KCTD2: variants seen among roughly 807,000 people sequenced by gnomAD.
The protein encoded by KCTD2 is potassium channel tetramerization domain containing 2.
Under a neutral mutation model 27.9 loss-of-function variants are expected in KCTD2, and 18 were observed. That is an observed-to-expected ratio of 0.64 (90% CI 0.45 to 0.96). The LOEUF is 0.96. Among genes scored for constraint, KCTD2 ranks in the 40% least tolerant of loss-of-function variants. The pLI is 0.00. For synonymous variants in KCTD2, 175 were observed against 148.4 expected, an observed-to-expected ratio of 1.18 and a Z score of -1.30; for missense variants, 280 against 348.0, an observed-to-expected ratio of 0.80 and a Z score of 1.56.
intron 3 of KCTD2, chr17:75,041,456 A>G (rs918152163): frequency 5.9e-5 from 9 of 151,550 alleles, no homozygotes; most frequent in African/African-American, 2.2e-4. Flanking sequence ...CCAAAAAAAA[A>G]AAAAAAACAA....
At chr17:75,046,066 G>T (rs1452770035), upstream of KCTD2, among the ~76,000 whole-genome samples, 1 of 152,216 alleles carries the variant, frequency 6.6e-6, no homozygotes, top group African/African-American at 2.4e-5. Context: ...AGTGGAAAAT[G>T]GAAGTCACAA....
At chr17:75,034,355 CGGGCAGGTGGT>C (rs923742322) in intron 2 of KCTD2, among the ~76,000 whole-genome samples, 2 of 152,064 alleles carry the variant, frequency 1.3e-5, no homozygotes, top group Non-Finnish European at 2.9e-5. Flanking sequence ...AAGCAGGTAG[CGGGCAGGTGGT>C]GGTGGATTCT....
chr17:75,035,197 T>G (rs2040104640), intron 2 of KCTD2: 1 of 152,050 alleles, frequency 6.6e-6, no homozygotes, highest in African/African-American at 2.4e-5. Context: ...AACGTTTTAA[T>G]CCCTGCAACT....
chr17:75,053,212 G>A lies in KCTD2; in HGVS notation c.540+107G>A, dbSNP rs543449378. The A allele has an allele frequency of 8.2e-6, 7 of 851,124 alleles. No homozygotes were observed. The East Asian group carries it at 1.3e-4, about 16-fold the overall frequency. The allele number at this position is 851,124 out of a possible 1,614,324, so 52.7% of individuals were successfully genotyped here. A position where few individuals can be genotyped will look rare whatever the true frequency, so the allele number is the denominator to read the frequency against. ...ACCCTTAGAGCTGGAGGTGTGTGTG[G>A]AACACCGTTTGCAGTGCAGGGAATG... On this transcript the variant is annotated intron_variant, in intron 3 of 5. Transcript: ENST00000322444.
chr17:75,049,408 T>A (rs1203733531), intron 2 of KCTD2, 80 bp downstream of exon 2: 2 of 955,444 alleles, frequency 2.1e-6, no homozygotes. Flanking sequence ...CAATTTTGTT[T>A]GACATTTTCA....
intron 3 of KCTD2, 114 bp downstream of exon 3, chr17:75,053,219 G>A (rs950837620): frequency 3.0e-5 from 24 of 798,854 alleles, no homozygotes; most frequent in African/African-American, 1.7e-4. Flanking sequence ...GTGGAACACC[G>A]TTTGCAGTGC....
chr17:75,056,092 G>GA (rs1484448203), intron 3 of KCTD2, among the ~76,000 whole-genome samples: 1 of 152,144 alleles, frequency 6.6e-6, no homozygotes, highest in Non-Finnish European at 1.5e-5. Context: ...CACTAATGAT[G>GA]AAAAATTAAC....
chr17:75,034,581 C>A (rs2040097120), intron 2 of KCTD2, among the ~76,000 whole-genome samples: 1 of 152,174 alleles, frequency 6.6e-6, no homozygotes, highest in Non-Finnish European at 1.5e-5. Context: ...CTGTGGGTCA[C>A]CGCGCTCCAA....
intron 3 of KCTD2, chr17:75,040,046 C>G (rs2073143092): frequency 6.2e-7 from 1 of 1,602,032 alleles, no homozygotes; most frequent in Non-Finnish European, 8.5e-7. Flanking sequence ...AGAGAGCTGT[C>G]AAGATCAAGA....
chr17:75,037,906 G>A (rs932600288), intron 3 of KCTD2, among the ~76,000 whole-genome samples: 3 of 151,768 alleles, frequency 2.0e-5, no homozygotes, highest in African/African-American at 4.8e-5. Flanking sequence ...CAAATTAGCC[G>A]GGCGTGATGG....
At chr17:75,040,359 G>T in intron 3 of KCTD2, 1 of 617,950 alleles carries the variant, frequency 1.6e-6, no homozygotes, top group Middle Eastern at 4.4e-4. Flanking sequence ...ATTAGACTGG[G>T]AACAGGAGCT....
intron 4 of KCTD2, among the ~76,000 whole-genome samples, chr17:75,059,826 C>T (rs1445921142): frequency 6.6e-6 from 1 of 152,168 alleles, no homozygotes; most frequent in African/African-American, 2.4e-5. Context: ...TAGCTTCACA[C>T]GCAGACTTTC....
chr17:75,051,034 C>T (rs1256878883), intron 2 of KCTD2, among the ~76,000 whole-genome samples: 1 of 147,868 alleles, frequency 6.8e-6, no homozygotes, highest in Non-Finnish European at 1.5e-5. Context: ...AGTGCAGTGG[C>T]GCAATCTCGG....
chr17:75,039,348 C>T, intron 3 of KCTD2: 1 of 1,273,872 alleles, frequency 7.9e-7, no homozygotes, highest in Non-Finnish European at 1.1e-6. Flanking sequence ...AGGAGTCGTC[C>T]CAGCCCACTC....
chr17:75,064,747 G>GT lies in KCTD2; in HGVS notation c.*1701dup, dbSNP rs1210343430. Reference sequence around the variant, plus strand: ...AGTAAAAGCAGCCACCCCTTCAAGAGTCACAGGCATCCATCCAGTCGTATC... The same window carrying GT: ...AGTAAAAGCAGCCACCCCTTCAAGAGTTCACAGGCATCCATCCAGTCGTATC... On this transcript the variant is annotated 3_prime_UTR_variant, in exon 6 of 6. Coordinates refer to ENST00000322444, the MANE Select transcript of KCTD2 (RefSeq NM_015353.3). The GT allele has an allele frequency of 2.6e-5, 4 of 152,272 alleles. No individual in the cohort carries two copies. The Middle Eastern group carries it at 0.01, about 388-fold the overall frequency. 9.4% of individuals were successfully genotyped at this position (152,272 alleles called of 1,614,324 possible). A position where few individuals can be genotyped will look rare whatever the true frequency, so the allele number is the denominator to read the frequency against.
At chr17:75,035,963 C>T (rs2040111314) in intron 3 of KCTD2, 2 of 429,750 alleles carry the variant, frequency 4.7e-6, no homozygotes. Context: ...CCCACCACCC[C>T]ACTACTCTGT....
At chr17:75,062,775 G>A (rs909942029) in intron 5 of KCTD2, among the ~76,000 whole-genome samples, 6 of 145,136 alleles carry the variant, frequency 4.1e-5, no homozygotes, top group African/African-American at 1.5e-4. Flanking sequence ...AGGTAAGCTG[G>A]AACCACTTCC....
At chr17:75,060,559 G>A in intron 4 of KCTD2, 7 of 1,612,950 alleles carry the variant, frequency 4.3e-6, no homozygotes, top group Non-Finnish European at 5.9e-6. Context: ...GTGTTGTCCT[G>A]GTTGAAGTTG....
At chr17:75,058,008 G>A (rs1207130187) in intron 3 of KCTD2, among the ~76,000 whole-genome samples, 3 of 151,814 alleles carry the variant, frequency 2.0e-5, no homozygotes, top group East Asian at 2.0e-4. Context: ...CCAACATGGC[G>A]AAATCCCGTC....
Sources: allele counts gnomAD v4.1 joint callset (sites outside exome capture counted in the v4.1 genomes callset), GRCh38; gene constraint gnomAD v4.1.1; transcripts MANE v1.5; gene names NCBI Gene and HGNC (gene_info 2026-07-23, HGNC 2026-07-21).